The following UBE2W variants were observed in gnomAD, a reference collection of about 807,000 sequenced individuals.
UBE2W encodes the protein ubiquitin-conjugating enzyme E2 W.
A neutral mutation model predicts 27.2 loss-of-function variants in UBE2W; 18 were observed. The observed-to-expected ratio is 0.66, with a 90% CI of 0.46 to 0.98. The LOEUF is 0.98. Among genes scored for constraint, UBE2W ranks in the 50% least tolerant of loss-of-function variants. The pLI, the probability that UBE2W is intolerant of heterozygous loss-of-function variation, is 0.00. For synonymous variants in UBE2W, 53 were observed against 57.2 expected (o/e 0.93, Z 0.33); for missense variants, 90 against 180.2 (o/e 0.50, Z 2.87).
intron 5 of UBE2W, among the ~76,000 whole-genome samples, chr8:73,798,350 A>C (rs1808508187): frequency 2.0e-5 from 3 of 152,216 alleles, no homozygotes; most frequent in African/African-American, 7.2e-5. Context: ...TGTTTAAGGT[A>C]TATGTGAAAC....
intron 4 of UBE2W, among the ~76,000 whole-genome samples, chr8:73,781,059 C>G (rs1268416901): frequency 6.6e-6 from 1 of 151,582 alleles, no homozygotes; most frequent in African/African-American, 2.4e-5. Flanking sequence ...CTCTTGAGGT[C>G]AGGAGTTCAA....
At chr8:73,819,985 CTTTT>C (rs370135879) in intron 3 of UBE2W, among the ~76,000 whole-genome samples, 1 of 151,990 alleles carries the variant, frequency 6.6e-6, no homozygotes, top group Admixed American at 6.6e-5. Context: ...ACTTTTCTTT[CTTTT>C]TTTTATTAGA....
chr8:73,786,325 T>C lies in UBE2W; in HGVS notation c.*7777A>G. 1.0e-6 allele frequency: 1 copy of C among 985,436 alleles called. No individual in the cohort carries two copies. The highest frequency in any genetic ancestry group is 1.2e-6 in the Non-Finnish European group (1 of 829,926). The allele number at this position is 985,436 out of a possible 1,614,324, so 61.0% of individuals were successfully genotyped here. A position where few individuals can be genotyped will look rare whatever the true frequency, so the allele number is the denominator to read the frequency against. ...TACTCAGGTGGTGGTTCTGGATATA[T>C]GTTTCAAAATAGCTAGCACCTAAGT... On this transcript the variant is annotated 3_prime_UTR_variant, in exon 6 of 6. Transcript: ENST00000602593.
intron 1 of UBE2W, among the ~76,000 whole-genome samples, chr8:73,878,518 A>T (rs1812339037): frequency 6.6e-6 from 1 of 152,092 alleles, no homozygotes; most frequent in South Asian, 2.1e-4. Context: ...CGGGGAGCCG[A>T]TTCTGAGACC....
chr8:73,864,926 T>A (rs1443714568), intron 1 of UBE2W, among the ~76,000 whole-genome samples: 2 of 151,964 alleles, frequency 1.3e-5, no homozygotes, highest in African/African-American at 2.4e-5. Flanking sequence ...TATTGTTGAT[T>A]AATATCAAAC....
At chr8:73,866,279 AAAAAAAAAAAAAT>A (rs1171590145) in intron 1 of UBE2W, among the ~76,000 whole-genome samples, 10 of 108,018 alleles carry the variant, frequency 9.3e-5, no homozygotes, top group African/African-American at 3.9e-4. Flanking sequence ...AAAAAAAAAA[AAAAAAAAAAAAAT>A]ATATATATAT....
intron 5 of UBE2W, among the ~76,000 whole-genome samples, chr8:73,795,138 G>GA (rs1563569312): frequency 6.7e-6 from 1 of 150,038 alleles, no homozygotes; most frequent in East Asian, 2.0e-4. Flanking sequence ...AGCACTCAAG[G>GA]AAAAAATTCT....
chr8:73,846,505 G>A (rs923509808), intron 1 of UBE2W, among the ~76,000 whole-genome samples: 5 of 152,156 alleles, frequency 3.3e-5, no homozygotes, highest in Admixed American at 2.0e-4. Context: ...AAACACATTA[G>A]TAATCAGCAC....
chr8:73,861,897 T>C (rs1811548083), intron 1 of UBE2W, among the ~76,000 whole-genome samples: 1 of 152,204 alleles, frequency 6.6e-6, no homozygotes. Context: ...TGCTCAGATA[T>C]GTACAGGAAA....
At chr8:73,822,145 A>G (rs1809640451) in intron 3 of UBE2W, among the ~76,000 whole-genome samples, 1 of 152,174 alleles carries the variant, frequency 6.6e-6, no homozygotes, top group Non-Finnish European at 1.5e-5. Context: ...TGTTAATGAC[A>G]TTGAAGGCAC....
chr8:73,820,880 G>A (rs1448110053), intron 3 of UBE2W, among the ~76,000 whole-genome samples: 1 of 152,226 alleles, frequency 6.6e-6, no homozygotes, highest in Non-Finnish European at 1.5e-5. Context: ...GAGCCCAGGA[G>A]TTGGAGGCTG....
intron 3 of UBE2W, among the ~76,000 whole-genome samples, chr8:73,811,302 A>G (rs1009526264): frequency 2.6e-5 from 4 of 152,066 alleles, no homozygotes; most frequent in Non-Finnish European, 4.4e-5. Flanking sequence ...TCCTTTCTCT[A>G]TCATGTCTCA....
chr8:73,789,156 G>C lies in UBE2W; in HGVS notation c.*4946C>G, dbSNP rs1162775174. The C allele has an allele frequency of 1.3e-5, 13 of 984,650 alleles. No homozygotes were observed. The highest frequency in any genetic ancestry group is 1.4e-5 in the Non-Finnish European group (12 of 829,806). The allele number at this position is 984,650 out of a possible 1,614,324, so 61.0% of individuals were successfully genotyped here. A position where few individuals can be genotyped will look rare whatever the true frequency, so the allele number is the denominator to read the frequency against. ...GATTCTATGTGCCTCTAATGATAAT[G>C]ATGTACATAAACCTGTCTTAAATCG... On this transcript the variant is annotated 3_prime_UTR_variant, in exon 6 of 6. Transcript: ENST00000602593.
intron 5 of UBE2W, among the ~76,000 whole-genome samples, 170 bp downstream of exon 5, chr8:73,805,481 C>CAAACAAAAAAAAAAAAAAAAA (rs1808862855): frequency 1.7e-4 from 3 of 17,916 alleles, no homozygotes; most frequent in Admixed American, 6.5e-4. Flanking sequence ...ACAAAAAAAA[C>CAAACAAAAAAAAAAAAAAAAA]TAGGGTAATT....
At chr8:73,828,236 T>C (rs1370646065) in intron 2 of UBE2W, among the ~76,000 whole-genome samples, 66 of 152,190 alleles carry the variant, frequency 4.3e-4, no homozygotes, top group Non-Finnish European at 4.4e-5. Flanking sequence ...ATCATGGTTC[T>C]TAATCAAAGA....
intron 1 of UBE2W, chr8:73,870,266 T>G (rs777767251): frequency 3.2e-6 from 5 of 1,586,784 alleles, no homozygotes; most frequent in Non-Finnish European, 4.3e-6. Context: ...AACACACACT[T>G]ACTGGAAACC....
intron 1 of UBE2W, among the ~76,000 whole-genome samples, chr8:73,839,433 T>C (rs1446979714): frequency 6.6e-6 from 1 of 151,232 alleles, no homozygotes; most frequent in Non-Finnish European, 1.5e-5. Flanking sequence ...GGGTGAATCA[T>C]TTGAGGTCAG....
chr8:73,839,195 G>A (rs1014988786), intron 1 of UBE2W, among the ~76,000 whole-genome samples: 2 of 152,022 alleles, frequency 1.3e-5, no homozygotes, highest in Non-Finnish European at 1.5e-5. Flanking sequence ...ATTTCAGAGA[G>A]CTGCGATGAT....
At chr8:73,806,279 T>G (rs993314458) in intron 4 of UBE2W, among the ~76,000 whole-genome samples, 2 of 152,034 alleles carry the variant, frequency 1.3e-5, no homozygotes, top group African/African-American at 2.4e-5. Flanking sequence ...TAATCTCAGG[T>G]ACTTGGAAGG....
Sources: gnomAD v4.1 joint callset for allele counts (sites outside exome capture counted in the v4.1 genomes callset) on GRCh38, gnomAD v4.1.1 for gene constraint, MANE v1.5 for transcripts, NCBI Gene and HGNC (gene_info 2026-07-23, HGNC 2026-07-21) for gene names.